The following MYH16 variants were observed in gnomAD, a reference collection of about 807,000 sequenced individuals.
MYH16 encodes myosin heavy chain 16, also known as putative uncharacterized protein MYH16.
chr7:99,276,150 T>C (rs556715417), intron 20 of MYH16, among the ~76,000 whole-genome samples: 9 of 152,244 alleles, frequency 5.9e-5, no homozygotes, highest in Non-Finnish European at 1.2e-4. Context: ...TAGGTTTCCA[T>C]TGAATAAAAA....
intron 5 of MYH16, among the ~76,000 whole-genome samples, chr7:99,250,494 A>G (rs1317326674): frequency 6.6e-6 from 1 of 152,044 alleles, no homozygotes; most frequent in African/African-American, 2.4e-5. Flanking sequence ...TAATCCCAGT[A>G]CTCTGGGAGG....
chr7:99,262,927 C>T (rs996288476), intron 13 of MYH16, among the ~76,000 whole-genome samples: 9 of 152,182 alleles, frequency 5.9e-5, no homozygotes, highest in East Asian at 1.9e-4. Context: ...TCTACAGCCA[C>T]GGTCAGTCAC....
intron 1 of MYH16, among the ~76,000 whole-genome samples, chr7:99,241,956 G>T (rs1791672524): frequency 6.6e-6 from 1 of 152,056 alleles, no homozygotes; most frequent in African/African-American, 2.4e-5. Context: ...CGCCCCCTGG[G>T]TTCAAGTGAT....
At chr7:99,273,303 C>T in intron 19 of MYH16, 39 bp from the exon 2 acceptor site, 1 of 456,630 alleles carries the variant, frequency 2.2e-6, no homozygotes, top group South Asian at 1.5e-5. Context: ...GTCCTAACAC[C>T]TTCATTGTAA....
chr7:99,287,931 C>T, exon 29 of MYH16: 1 of 456,312 alleles, frequency 2.2e-6, no homozygotes, highest in East Asian at 7.0e-5. Flanking sequence ...GCTGCTGAAG[C>T]TGCGGCGGGA....
chr7:99,289,459 G>A (rs541036744), intron 30 of MYH16, 55 bp downstream of exon 11: 48 of 271,174 alleles, frequency 1.8e-4, no homozygotes, highest in Non-Finnish European at 3.8e-4. Context: ...AAGGAACTGG[G>A]ATTCTCAAGG....
At chr7:99,274,087 C>T (rs1018295788) in intron 20 of MYH16, among the ~76,000 whole-genome samples, 2 of 152,220 alleles carry the variant, frequency 1.3e-5, no homozygotes, top group African/African-American at 4.8e-5. Context: ...GAGTTCTTGG[C>T]TTAGAGCTGG....
At chr7:99,239,921 A>G (rs1791646699) in intron 1 of MYH16, among the ~76,000 whole-genome samples, 1 of 152,022 alleles carries the variant, frequency 6.6e-6, no homozygotes, top group African/African-American at 2.4e-5. Context: ...GGTGGCTCAC[A>G]CCTGTAATCC....
intron 9 of MYH16, among the ~76,000 whole-genome samples, chr7:99,256,422 T>C (rs1264691341): frequency 1.3e-5 from 2 of 151,440 alleles, no homozygotes; most frequent in Non-Finnish European, 2.9e-5. Context: ...TCAGCCATGA[T>C]CATGCCACCG....
At chr7:99,260,456 G>C (rs950720491) in intron 12 of MYH16, 3 of 504,194 alleles carry the variant, frequency 6.0e-6, no homozygotes, top group Non-Finnish European at 1.1e-5. Context: ...ACCTTCCTTG[G>C]TATGACCTCT....
At chr7:99,258,502 G>C (rs895817016) in intron 11 of MYH16, 3 of 152,414 alleles carry the variant, frequency 2.0e-5, no homozygotes, top group Non-Finnish European at 2.9e-5. Flanking sequence ...CCTTGGACCT[G>C]GGGCAGACCA....
intron 13 of MYH16, among the ~76,000 whole-genome samples, chr7:99,262,661 C>T (rs553666978): frequency 9.9e-5 from 15 of 152,280 alleles, no homozygotes; most frequent in African/African-American, 3.6e-4. Context: ...AGTGGAGGGA[C>T]CTGAAAGACT....
At chr7:99,272,169 T>A (rs1421385646) in intron 19 of MYH16, among the ~76,000 whole-genome samples, 1 of 152,168 alleles carries the variant, frequency 6.6e-6, no homozygotes, top group Non-Finnish European at 1.5e-5. Context: ...GGACACAGCT[T>A]AACCCCTAAC....
intron 30 of MYH16, 94 bp from the exon 12 acceptor site, chr7:99,291,229 T>C (rs572242666): frequency 7.5e-6 from 3 of 402,460 alleles, no homozygotes; most frequent in African/African-American, 4.1e-5. Flanking sequence ...ACCATATTTA[T>C]TGGGTACTTT....
At chr7:99,302,369 A>C (rs1792613223) in intron 38 of MYH16, among the ~76,000 whole-genome samples, 1 of 134,966 alleles carries the variant, frequency 7.4e-6, no homozygotes, top group Non-Finnish European at 1.6e-5. Context: ...CACACATCCC[A>C]ACCTGGCCAA....
intron 27 of MYH16, among the ~76,000 whole-genome samples, chr7:99,285,931 T>C (rs924826804): frequency 1.3e-5 from 2 of 152,142 alleles, no homozygotes; most frequent in Non-Finnish European, 2.9e-5. Flanking sequence ...TTCAGCCAAA[T>C]TGGACAGGTG....
intron 33 of MYH16, among the ~76,000 whole-genome samples, chr7:99,295,001 T>C (rs1196174359): frequency 6.6e-6 from 1 of 152,160 alleles, no homozygotes; most frequent in African/African-American, 2.4e-5. Context: ...ACTGCACCAC[T>C]GCACTCCAGC....
Position 99,295,354 on chromosome 7 carries a change from G to A in MYH16, n.4282+1204G>A, listed in dbSNP as rs148861383. 5.3e-3 allele frequency among the ~76,000 whole-genome samples: 803 copies of A among 151,830 alleles called. 4 individuals carry two copies. The highest frequency in any genetic ancestry group is 0.018 in the African/African-American group (751 of 41,278). On this transcript the variant is annotated intron_variant and non_coding_transcript_variant, in intron 33 of 41. Transcript: ENST00000439784. ...ATCGTGCCACTGCACTCCAGCCTAG[G>A]TGACAGAGCGAGACTCTGGCTCCAA...
At chr7:99,293,430 G>C (rs1792421547) in intron 32 of MYH16, among the ~76,000 whole-genome samples, 1 of 152,090 alleles carries the variant, frequency 6.6e-6, no homozygotes, top group Non-Finnish European at 1.5e-5. Flanking sequence ...CTGTCCTTCA[G>C]GCCTTTGCTA....
Sources: gnomAD v4.1 joint callset for allele counts (sites outside exome capture counted in the v4.1 genomes callset) on GRCh38, gnomAD v4.1.1 for gene constraint, MANE v1.5 for transcripts, NCBI Gene and HGNC (gene_info 2026-07-23, HGNC 2026-07-21) for gene names.